MCC: variants seen among roughly 807,000 people sequenced by gnomAD.
The protein encoded by MCC is colorectal mutant cancer protein.
Under a neutral mutation model 116.2 loss-of-function variants are expected in MCC, and 90 were observed. That is an observed-to-expected ratio of 0.77 (90% CI 0.65 to 0.92). The LOEUF (loss-of-function observed/expected upper bound fraction) is 0.92. Ranked by LOEUF, MCC falls within the 40% of genes least tolerant of loss-of-function variation. The pLI is 0.00. For missense variants in MCC, 1,516 were observed against 1,312.2 expected, an observed-to-expected ratio of 1.16 and a Z score of -2.40; for synonymous variants, 578 against 510.5, an observed-to-expected ratio of 1.13 and a Z score of -1.78.
intron 6 of MCC, 28 bp from the exon 7 acceptor site, chr5:113,104,383 T>C: frequency 1.3e-6 from 2 of 1,574,820 alleles, no homozygotes; most frequent in Non-Finnish European, 1.7e-6. Flanking sequence ...CAAAATGCGT[T>C]ACACAGGGCA....
chr5:113,194,414 C>T (rs549475301), intron 3 of MCC, among the ~76,000 whole-genome samples: 64 of 152,200 alleles, frequency 4.2e-4, no homozygotes, highest in African/African-American at 1.3e-3. Context: ...CCCTGAATAC[C>T]GACAATTTAG....
chr5:113,258,337 A>T (rs1765096302), intron 3 of MCC, among the ~76,000 whole-genome samples: 1 of 152,240 alleles, frequency 6.6e-6, no homozygotes, highest in Non-Finnish European at 1.5e-5. Flanking sequence ...TAAATCACTT[A>T]TAACAGGGGG....
intron 3 of MCC, among the ~76,000 whole-genome samples, chr5:113,222,857 C>T (rs561669194): frequency 6.6e-6 from 1 of 152,290 alleles, no homozygotes; most frequent in Admixed American, 6.5e-5. Context: ...AAAAAGAACA[C>T]ACAACCCTGG....
At chr5:113,481,600 G>A (rs772812770) in intron 1 of MCC, among the ~76,000 whole-genome samples, 16 of 151,986 alleles carry the variant, frequency 1.1e-4, no homozygotes, top group Non-Finnish European at 1.9e-4. Flanking sequence ...TTAGCTGGGC[G>A]TGGTGGCGCA....
chr5:113,288,221 G>A (rs1328672493), intron 3 of MCC, among the ~76,000 whole-genome samples: 2 of 152,164 alleles, frequency 1.3e-5, no homozygotes, highest in African/African-American at 4.8e-5. Context: ...TTCTCCCCAA[G>A]CCTCGGCACT....
At chr5:113,117,992 G>A (rs568433586) in intron 6 of MCC, among the ~76,000 whole-genome samples, 3 of 152,288 alleles carry the variant, frequency 2.0e-5, no homozygotes, top group South Asian at 4.1e-4. Context: ...TGTTTAAACC[G>A]AGGAGTATCA....
chr5:113,132,823 A>G (rs1336950261), intron 5 of MCC, among the ~76,000 whole-genome samples: 2 of 152,112 alleles, frequency 1.3e-5, no homozygotes, highest in Non-Finnish European at 2.9e-5. Flanking sequence ...TTTCCTCTTG[A>G]TAGTTACTCC....
At chr5:113,191,896 C>A (rs1001875914) in intron 3 of MCC, among the ~76,000 whole-genome samples, 17 of 152,248 alleles carry the variant, frequency 1.1e-4, no homozygotes, top group Admixed American at 1.0e-3. Flanking sequence ...ACTGATTCAA[C>A]AGAAAATTCT....
At position 113,384,976 on chromosome 5, in the gene MCC, T is replaced by C. The variant is rs200664217; in HGVS notation, c.407A>G (p.Asn136Ser). The change falls in exon 2 of 19, where the codon AAC becomes AGC. Residue 136 changes from asparagine (N) to serine (S), a missense_variant. Physicochemically the swap from Asn to Ser is conservative, Grantham distance 46 (BLOSUM62 1). Transcript: ENST00000408903. ...CACCTGGTTATACCTACCCAAACTG[T>C]TGTCACTGCTCGTGGGCCAGGAAGC... ...RIASWPTSSD[N>S]SLGALSAARE... 2 of 1,614,168 alleles carry C rather than the reference T, an allele frequency of 1.2e-6. No homozygotes were observed. Among genetic ancestry groups the C allele is most frequent in the Admixed American group, 3.3e-5 (2 of 60,028 alleles).
intron 3 of MCC, among the ~76,000 whole-genome samples, chr5:113,234,028 G>C (rs1362022836): frequency 6.6e-6 from 1 of 152,168 alleles, no homozygotes; most frequent in East Asian, 1.9e-4. Context: ...TGAGCCACTT[G>C]TCATTAACAC....
At chr5:113,049,389 G>T in intron 15 of MCC, 90 bp from the exon 16 acceptor site, 2 of 1,091,204 alleles carry the variant, frequency 1.8e-6, no homozygotes, top group Non-Finnish European at 2.6e-6. Flanking sequence ...GGGGTCCCCG[G>T]CTATGACCCA....
intron 1 of MCC, among the ~76,000 whole-genome samples, chr5:113,444,590 A>C (rs1468801323): frequency 2.0e-5 from 3 of 151,908 alleles, no homozygotes; most frequent in Non-Finnish European, 4.4e-5. Context: ...GTAGATCGCC[A>C]CCTACGTGGT....
At chr5:113,359,988 G>A (rs1044217922) in intron 2 of MCC, among the ~76,000 whole-genome samples, 3 of 152,148 alleles carry the variant, frequency 2.0e-5, no homozygotes, top group South Asian at 2.1e-4. Flanking sequence ...CATGTATTCA[G>A]TAAGCCCTTG....
intron 3 of MCC, among the ~76,000 whole-genome samples, chr5:113,253,566 A>G (rs1306255299): frequency 6.6e-6 from 1 of 152,198 alleles, no homozygotes; most frequent in Non-Finnish European, 1.5e-5. Context: ...GAAAAGGCCA[A>G]CAGGGGCAGC....
At chr5:113,130,248 G>A (rs571273429) in intron 5 of MCC, among the ~76,000 whole-genome samples, 3 of 152,010 alleles carry the variant, frequency 2.0e-5, no homozygotes, top group African/African-American at 7.2e-5. Context: ...AGAAAACCAA[G>A]CACCACATGT....
rs1034948320 is a variant in MCC at position 113,232,758 on chromosome 5, G to A, written c.628-81336C>T. Among the ~76,000 whole-genome samples the A allele has an allele frequency of 4.6e-5, 7 of 152,150 alleles. No homozygotes were observed. The South Asian group carries it at 6.2e-4, about 14-fold the overall frequency. ...TTTATATGAGGCAGAACTTTCATACGGATCTTTAGAAAAACCCAGACTCTT... is the reference window on the plus strand; with the variant it reads ...TTTATATGAGGCAGAACTTTCATACAGATCTTTAGAAAAACCCAGACTCTT... On this transcript the variant is annotated intron_variant, in intron 3 of 18. Transcript: ENST00000408903.
chr5:113,044,635 C>T (rs1218197147), intron 16 of MCC: 3 of 196,260 alleles, frequency 1.5e-5, no homozygotes, highest in East Asian at 1.9e-4. Context: ...AGTGCAATGG[C>T]GTGATCTTGG....
At chr5:113,208,955 C>T (rs935567633) in intron 3 of MCC, among the ~76,000 whole-genome samples, 1 of 152,154 alleles carries the variant, frequency 6.6e-6, no homozygotes, top group Admixed American at 6.5e-5. Context: ...GGCTAAGGGT[C>T]GTGGTATATA....
chr5:113,258,937 A>G (rs1439979334), intron 3 of MCC, among the ~76,000 whole-genome samples: 1 of 152,228 alleles, frequency 6.6e-6, no homozygotes, highest in African/African-American at 2.4e-5. Context: ...TACAAGAACA[A>G]GGTCTGTACT....
Sources: allele counts gnomAD v4.1 joint callset (sites outside exome capture counted in the v4.1 genomes callset), GRCh38; gene constraint gnomAD v4.1.1; transcripts MANE v1.5; gene names NCBI Gene and HGNC (gene_info 2026-07-23, HGNC 2026-07-21).